Variants in POU2F1 observed in about 807,000 individuals in gnomAD.
POU2F1 encodes POU class 2 homeobox 1.
POU2F1 carries 16 observed loss-of-function variants against 84.9 expected under a neutral mutation model. The observed-to-expected ratio is 0.19, with a 90% confidence interval of 0.13 to 0.29. POU2F1 has a LOEUF of 0.29. Ranked by LOEUF, POU2F1 falls within the 10% of genes least tolerant of loss-of-function variation. POU2F1 has a pLI of 1.00. For synonymous variants in POU2F1, 368 were observed against 368.3 expected (o/e 1.00, Z 0.01); for missense variants, 738 against 942.6 (o/e 0.78, Z 2.84).
At chr1:167,232,187 G>A (rs914851750) in intron 1 of POU2F1, among the ~76,000 whole-genome samples, 11 of 152,178 alleles carry the variant, frequency 7.2e-5, no homozygotes, top group African/African-American at 2.4e-4. Context: ...CCTGATTTAA[G>A]TGGACCCACA....
intron 1 of POU2F1, among the ~76,000 whole-genome samples, chr1:167,282,633 C>T (rs775037136): frequency 7.2e-5 from 11 of 152,074 alleles, no homozygotes; most frequent in Admixed American, 5.9e-4. Context: ...CTGGTGTTTC[C>T]TGAATTTATC....
At chr1:167,353,459 G>A (rs1036232365) in intron 2 of POU2F1, among the ~76,000 whole-genome samples, 2 of 150,416 alleles carry the variant, frequency 1.3e-5, no homozygotes, top group South Asian at 2.1e-4. Flanking sequence ...TCTTTCAACC[G>A]CTATTGTTCT....
At chr1:167,285,333 G>A (rs375758656) in intron 1 of POU2F1, among the ~76,000 whole-genome samples, 102 of 152,306 alleles carry the variant, frequency 6.7e-4, no homozygotes, top group African/African-American at 2.2e-3. Flanking sequence ...GGCCGGGTGC[G>A]GTGGCTCACG....
intron 2 of POU2F1, among the ~76,000 whole-genome samples, chr1:167,339,447 T>C (rs1165341014): frequency 6.6e-6 from 1 of 152,244 alleles, no homozygotes; most frequent in Non-Finnish European, 1.5e-5. Context: ...GTAAAGAAGT[T>C]GTTTGAAGTT....
intron 1 of POU2F1, among the ~76,000 whole-genome samples, chr1:167,268,397 G>T (rs546771772): frequency 2.0e-5 from 3 of 151,976 alleles, no homozygotes; most frequent in Non-Finnish European, 2.9e-5. Flanking sequence ...CTTTCTGTTT[G>T]TGTGTCTGAC....
intron 1 of POU2F1, among the ~76,000 whole-genome samples, chr1:167,291,478 CTTTTA>C (rs1426275659): frequency 3.9e-5 from 6 of 152,102 alleles, no homozygotes; most frequent in Admixed American, 1.3e-4. Flanking sequence ...AATTGTTCCA[CTTTTA>C]TTTTCTTTTG....
intron 1 of POU2F1, 31 bp downstream of exon 1, chr1:167,220,989 T>G: frequency 1.3e-6 from 2 of 1,525,008 alleles, no homozygotes; most frequent in Non-Finnish European, 1.8e-6. Flanking sequence ...CATATTCATA[T>G]TCATACTCAA....
intron 9 of POU2F1, among the ~76,000 whole-genome samples, chr1:167,395,014 G>A (rs1171593551): frequency 1.3e-5 from 2 of 152,162 alleles, no homozygotes; most frequent in Non-Finnish European, 2.9e-5. Flanking sequence ...AGTAGGATTA[G>A]TTGTATAGTA....
intron 9 of POU2F1, among the ~76,000 whole-genome samples, chr1:167,393,177 T>C (rs1377728876): frequency 6.6e-6 from 1 of 152,212 alleles, no homozygotes; most frequent in Non-Finnish European, 1.5e-5. Context: ...TAAGATTATA[T>C]ATGAATCGAC....
At chr1:167,245,845 C>G (rs370946643) in intron 1 of POU2F1, among the ~76,000 whole-genome samples, 3 of 152,224 alleles carry the variant, frequency 2.0e-5, no homozygotes, top group East Asian at 3.8e-4. Flanking sequence ...GCGTGAGCCA[C>G]TGTCCGTGGC....
rs1294732580 is a variant in POU2F1 at position 167,336,009 on chromosome 1, T to C, written c.127+3474T>C. Reference sequence around the variant, plus strand: ...AAACTCACAAATGAACTGTGAAATATTGAGAAATATTGAAAAAAATTAAAA... The same window carrying C: ...AAACTCACAAATGAACTGTGAAATACTGAGAAATATTGAAAAAAATTAAAA... On this transcript the variant is annotated intron_variant, in intron 2 of 15. Coordinates refer to ENST00000367866, the MANE Select transcript of POU2F1 (RefSeq NM_002697.4). Among the ~76,000 whole-genome samples the C allele has an allele frequency of 3.3e-5, 5 of 152,174 alleles. No individual in the cohort carries two copies. The East Asian group carries it at 7.7e-4, about 23-fold the overall frequency.
chr1:167,320,743 T>C (rs1367175683), intron 1 of POU2F1, among the ~76,000 whole-genome samples: 1 of 152,194 alleles, frequency 6.6e-6, no homozygotes, highest in Non-Finnish European at 1.5e-5. Context: ...AATTAGCAAA[T>C]CTAGAGTCTT....
At chr1:167,285,592 CAA>C (rs75529481) in intron 1 of POU2F1, among the ~76,000 whole-genome samples, 6 of 118,438 alleles carry the variant, frequency 5.1e-5, no homozygotes, top group Admixed American at 8.8e-5. Context: ...GACTCCGTCT[CAA>C]AAAAAAAAAA....
At position 167,285,351 on chromosome 1, in the gene POU2F1, T is replaced by A. The variant is rs1234213292; in HGVS notation, c.62-47119T>A. Among the ~76,000 whole-genome samples, 7 of 152,210 alleles carry A rather than the reference T, an allele frequency of 4.6e-5. No homozygotes were observed. In the South Asian group the frequency reaches 6.2e-4, roughly 13 times the overall value. On this transcript the variant is annotated intron_variant, in intron 1 of 15. Coordinates refer to ENST00000367866, the MANE Select transcript of POU2F1 (RefSeq NM_002697.4). ...CGGGTGCGGTGGCTCACGCCTGTAATCCCAGCATTTTGGGAGGCCAAGGCG... is the reference window on the plus strand; with the variant it reads ...CGGGTGCGGTGGCTCACGCCTGTAAACCCAGCATTTTGGGAGGCCAAGGCG...
intron 1 of POU2F1, among the ~76,000 whole-genome samples, chr1:167,306,203 AGAC>A (rs945168576): frequency 6.6e-6 from 1 of 152,226 alleles, no homozygotes; most frequent in African/African-American, 2.4e-5. Flanking sequence ...AGTTTTCAGA[AGAC>A]AACATTTGTA....
At position 167,417,074 on chromosome 1, in the gene POU2F1, A is replaced by G. The variant is rs1486965685; in HGVS notation, c.*1264A>G. ...TTTTCTAAAGGAATTCTACTAGACT[A>G]TTTTCCATTGATAATATATACAAAA... On this transcript the variant is annotated 3_prime_UTR_variant, in exon 16 of 16. Coordinates refer to ENST00000367866, the MANE Select transcript of POU2F1 (RefSeq NM_002697.4). 1.3e-5 allele frequency: 2 copies of G among 152,198 alleles called. No individual in the cohort carries two copies. Among genetic ancestry groups the G allele is most frequent in the Non-Finnish European group, 1.5e-5 (1 of 68,046 alleles). 9.4% of individuals were successfully genotyped at this position (152,198 alleles called of 1,614,324 possible).
chr1:167,399,968 CTTTTTTTTT>C (rs67562017), intron 12 of POU2F1, among the ~76,000 whole-genome samples: 2 of 61,374 alleles, frequency 3.3e-5, no homozygotes, highest in African/African-American at 1.4e-4. Context: ...CATTCCCAGT[CTTTTTTTTT>C]TTTTTTTTTT....
At chr1:167,272,640 T>C (rs1431955626) in intron 1 of POU2F1, among the ~76,000 whole-genome samples, 1 of 152,000 alleles carries the variant, frequency 6.6e-6, no homozygotes. Context: ...TACACACTTT[T>C]AAACAACCAG....
intron 1 of POU2F1, among the ~76,000 whole-genome samples, chr1:167,254,474 T>A (rs1410561486): frequency 6.6e-6 from 1 of 152,208 alleles, no homozygotes; most frequent in Non-Finnish European, 1.5e-5. Context: ...TTTCTTTGTG[T>A]CTTGCCTAAG....
Sources: allele counts gnomAD v4.1 joint callset (sites outside exome capture counted in the v4.1 genomes callset), GRCh38; gene constraint gnomAD v4.1.1; transcripts MANE v1.5; gene names NCBI Gene and HGNC (gene_info 2026-07-23, HGNC 2026-07-21).